Variants in ULK4 observed in about 807,000 individuals in gnomAD.
The protein encoded by ULK4 is unc-51 like kinase 4, also known as inactive serine/threonine-protein kinase ULK4.
A neutral mutation model predicts 160.6 loss-of-function variants in ULK4; 133 were observed. That is an observed-to-expected ratio of 0.83 (90% CI 0.72 to 0.96). The LOEUF is 0.96. Ranked by LOEUF, ULK4 falls within the 40% of genes least tolerant of loss-of-function variation. ULK4 has a pLI of 0.00. For missense variants in ULK4, 1,580 were observed against 1,499.5 expected, an observed-to-expected ratio of 1.05 and a Z score of -0.89; for synonymous variants, 534 against 539.8, an observed-to-expected ratio of 0.99 and a Z score of 0.15.
At chr3:41,616,734 G>T (rs949927125) in intron 30 of ULK4, among the ~76,000 whole-genome samples, 13 of 152,202 alleles carry the variant, frequency 8.5e-5, no homozygotes, top group Non-Finnish European at 1.3e-4. Flanking sequence ...AGCAGTAGCG[G>T]CAGGAGTGTT....
intron 20 of ULK4, among the ~76,000 whole-genome samples, chr3:41,791,066 T>C (rs1206109466): frequency 2.6e-5 from 4 of 152,174 alleles, no homozygotes; most frequent in South Asian, 2.1e-4. Flanking sequence ...GAGAGGGATA[T>C]ATAAAAAACA....
At chr3:41,337,979 A>G (rs2080599754) in intron 35 of ULK4, among the ~76,000 whole-genome samples, 1 of 152,214 alleles carries the variant, frequency 6.6e-6, no homozygotes, top group Non-Finnish European at 1.5e-5. Flanking sequence ...TCAAGTTCCC[A>G]TGGCCTCATA....
At chr3:41,378,206 A>G (rs900663197) in intron 35 of ULK4, among the ~76,000 whole-genome samples, 6 of 123,848 alleles carry the variant, frequency 4.8e-5, no homozygotes, top group African/African-American at 1.9e-4. Flanking sequence ...GGGGAACATC[A>G]CACTCGGGGG....
rs533945530 is a variant in ULK4, at chr3:41,518,098, A to C, written c.3226+47927T>G. Among the ~76,000 whole-genome samples, 5 of 152,318 alleles carry C rather than the reference A, an allele frequency of 3.3e-5. No homozygotes were observed. In the South Asian group the frequency reaches 1.0e-3, roughly 32 times the overall value. On this transcript the variant is annotated intron_variant, in intron 32 of 36. Coordinates refer to ENST00000301831, the MANE Select transcript of ULK4 (RefSeq NM_017886.4). ...CAGGAGAAGACAAACTATCATGTCC[A>C]GAAATAATTATGGTGGAAACTGTTA... is the stretch of plus-strand genomic sequence containing the variant.
chr3:41,660,502 T>C (rs1182466012), intron 30 of ULK4, among the ~76,000 whole-genome samples: 1 of 152,314 alleles, frequency 6.6e-6, no homozygotes, highest in East Asian at 1.9e-4. Flanking sequence ...TTCCAAAATG[T>C]TAGACTTAAA....
At chr3:41,270,568 C>A (rs1274974488) in intron 35 of ULK4, among the ~76,000 whole-genome samples, 1 of 152,094 alleles carries the variant, frequency 6.6e-6, no homozygotes, top group Non-Finnish European at 1.5e-5. Flanking sequence ...CCTTCTGGAT[C>A]CAAGGTGGCT....
chr3:41,355,645 A>G (rs2081015291), intron 35 of ULK4, among the ~76,000 whole-genome samples: 1 of 152,242 alleles, frequency 6.6e-6, no homozygotes, highest in Admixed American at 6.5e-5. Context: ...CTTATACTGC[A>G]TCACAGGATC....
At chr3:41,893,599 T>G (rs879404668) in intron 16 of ULK4, among the ~76,000 whole-genome samples, 1 of 152,046 alleles carries the variant, frequency 6.6e-6, no homozygotes, top group Non-Finnish European at 1.5e-5. Flanking sequence ...CACAAAGATT[T>G]ATTCTCAAAA....
chr3:41,636,326 A>T (rs1183525024), intron 30 of ULK4, among the ~76,000 whole-genome samples: 3 of 152,080 alleles, frequency 2.0e-5, no homozygotes, highest in Admixed American at 2.0e-4. Flanking sequence ...CTTGAGTCCA[A>T]GAGTTCAAGA....
intron 34 of ULK4, among the ~76,000 whole-genome samples, chr3:41,440,825 G>A (rs1027375595): frequency 6.6e-6 from 1 of 152,166 alleles, no homozygotes; most frequent in Admixed American, 6.5e-5. Flanking sequence ...TTTTTTAATA[G>A]ACACAGGGTT....
intron 35 of ULK4, among the ~76,000 whole-genome samples, chr3:41,368,619 C>T (rs2081299465): frequency 6.6e-6 from 1 of 152,190 alleles, no homozygotes; most frequent in Admixed American, 6.5e-5. Flanking sequence ...GGGTATTTTA[C>T]ATAAATGTAA....
At chr3:41,437,785 T>C (rs2083069555) in intron 34 of ULK4, among the ~76,000 whole-genome samples, 1 of 152,200 alleles carries the variant, frequency 6.6e-6, no homozygotes, top group Non-Finnish European at 1.5e-5. Context: ...GCTTTCATTT[T>C]CTAATACTAA....
At chr3:41,572,984 T>TC (rs1271884427) in intron 31 of ULK4, among the ~76,000 whole-genome samples, 1 of 152,034 alleles carries the variant, frequency 6.6e-6, no homozygotes, top group African/African-American at 2.4e-5. Flanking sequence ...CAAAAGGCAA[T>TC]CCCACTACAC....
chr3:41,807,625 T>C (rs555648721), intron 19 of ULK4, among the ~76,000 whole-genome samples: 12 of 152,206 alleles, frequency 7.9e-5, no homozygotes, highest in Non-Finnish European at 1.8e-4. Flanking sequence ...AGACTCAATC[T>C]AGAGCATGAA....
intron 4 of ULK4, among the ~76,000 whole-genome samples, chr3:41,935,209 ATTTTTTTTTTTTTTTTTTTTTTTT>A (rs10524611): frequency 7.4e-6 from 1 of 135,556 alleles, no homozygotes; most frequent in Non-Finnish European, 1.5e-5. Context: ...TTATTTATTT[ATTTTTTTTTTTTTTTTTTTTTTTT>A]TTTTTTTTTT....
chr3:41,469,602 CA>C (rs71616008), intron 32 of ULK4, among the ~76,000 whole-genome samples: 1,935 of 11,410 alleles, frequency 0.17, 15 homozygotes, highest in East Asian at 0.36. Context: ...CTACACCTGC[CA>C]AAAAAAAAAA....
At chr3:41,501,264 G>A (rs142121422) in intron 32 of ULK4, among the ~76,000 whole-genome samples, 2 of 152,158 alleles carry the variant, frequency 1.3e-5, no homozygotes, top group South Asian at 2.1e-4. Context: ...TTGGGAGGCC[G>A]AGACGGGCGG....
rs189702546 is a variant in ULK4 at position 41,801,276 on chromosome 3, T to C, written c.1849-983A>G. Among the ~76,000 whole-genome samples the C allele has an allele frequency of 3.8e-3, 579 of 152,088 alleles. 3 individuals are homozygous for C. The highest frequency in any genetic ancestry group is 0.027 in the Middle Eastern group (8 of 294). ...TTAGTGAACATGAAGACATAGCTAC[T>C]AACAATAAAAATCTATCCAAAATAA... is the stretch of plus-strand genomic sequence containing the variant. On this transcript the variant is annotated intron_variant, in intron 19 of 36. Coordinates refer to ENST00000301831, the MANE Select transcript of ULK4 (RefSeq NM_017886.4).
In ULK4 at chr3:41,398,056, C is replaced by T. The variant is rs556709446; in HGVS notation, c.3678+23G>A. On this transcript the variant is annotated intron_variant, in intron 35 of 36. Transcript: ENST00000301831. ...CTGCCAGCAAAGCCACCCACAGTGT[C>T]CCCGGTTTCTGTGTGAACTCACCAT... is the stretch of plus-strand genomic sequence containing the variant. 2.2e-4 allele frequency: 346 copies of T among 1,601,578 alleles called. 1 individual carries two copies. In the South Asian group the frequency reaches 3.2e-3, roughly 15 times the overall value.
Sources: allele counts gnomAD v4.1 joint callset (sites outside exome capture counted in the v4.1 genomes callset), GRCh38; gene constraint gnomAD v4.1.1; transcripts MANE v1.5; gene names NCBI Gene and HGNC (gene_info 2026-07-23, HGNC 2026-07-21).